DPP10: variants seen among roughly 807,000 people sequenced by gnomAD.
The protein encoded by DPP10 is dipeptidyl peptidase like 10.
DPP10 carries 33 observed loss-of-function variants against 120.9 expected under a neutral mutation model. The observed-to-expected ratio is 0.27, with a 90% confidence interval of 0.21 to 0.37. The LOEUF is 0.37. Ranked by LOEUF, DPP10 falls within the 10% of genes least tolerant of loss-of-function variation. The pLI, the probability that DPP10 is intolerant of heterozygous loss-of-function variation, is 1.00. For synonymous variants in DPP10, 337 were observed against 326.1 expected, an observed-to-expected ratio of 1.03 and a Z score of -0.36; for missense variants, 816 against 942.8, an observed-to-expected ratio of 0.87 and a Z score of 1.76.
At chr2:115,262,092 T>G (rs913992931) in intron 1 of DPP10, among the ~76,000 whole-genome samples, 4 of 152,200 alleles carry the variant, frequency 2.6e-5, no homozygotes, top group African/African-American at 7.2e-5. Context: ...TTCCTTGTTT[T>G]TAACACAGTG....
chr2:115,650,328 C>CT (rs1181828411), intron 5 of DPP10, among the ~76,000 whole-genome samples: 4 of 145,412 alleles, frequency 2.8e-5, no homozygotes, highest in African/African-American at 7.7e-5. Flanking sequence ...CACTGAGTAA[C>CT]TTTTTTTTGA....
At chr2:114,765,596 C>T (rs570899746) in intron 1 of DPP10, among the ~76,000 whole-genome samples, 1 of 152,252 alleles carries the variant, frequency 6.6e-6, no homozygotes, top group Admixed American at 6.5e-5. Flanking sequence ...AAGTAACATG[C>T]ATTGTATTTT....
rs145703906 is a variant in DPP10 at position 115,224,327 on chromosome 2, G to A, written c.61-84912G>A. Among the ~76,000 whole-genome samples the A allele has an allele frequency of 4.7e-3, 717 of 152,246 alleles. 5 individuals carry two copies. Among genetic ancestry groups the A allele is most frequent in the African/African-American group, 0.016 (654 of 41,566 alleles). ...AGAAAAAAGGTCATATGACCATATGGATTTTTGCTCCTTAGAAATTGAAAT... is the reference window on the plus strand; with the variant it reads ...AGAAAAAAGGTCATATGACCATATGAATTTTTGCTCCTTAGAAATTGAAAT... On this transcript the variant is annotated intron_variant, in intron 1 of 25. Coordinates refer to ENST00000410059, the MANE Select transcript of DPP10 (RefSeq NM_020868.6).
chr2:115,212,793 T>C (rs750141952), intron 1 of DPP10, among the ~76,000 whole-genome samples: 1 of 152,208 alleles, frequency 6.6e-6, no homozygotes, highest in Non-Finnish European at 1.5e-5. Flanking sequence ...GGGGCATATT[T>C]GTTCATAAAT....
At chr2:115,735,564 A>G (rs1268782415) in intron 8 of DPP10, among the ~76,000 whole-genome samples, 1 of 150,914 alleles carries the variant, frequency 6.6e-6, no homozygotes, top group Admixed American at 6.6e-5. Flanking sequence ...TCTGTTGCCC[A>G]AGCTGGAGTG....
chr2:115,301,807 A>AGTCC (rs1350835705), intron 1 of DPP10, among the ~76,000 whole-genome samples: 1 of 152,016 alleles, frequency 6.6e-6, no homozygotes, highest in Non-Finnish European at 1.5e-5. Context: ...ACAGTTGCTT[A>AGTCC]GTCCTGTCTT....
chr2:115,225,654 G>T (rs1006668301), intron 1 of DPP10, among the ~76,000 whole-genome samples: 1 of 151,890 alleles, frequency 6.6e-6, no homozygotes, highest in Non-Finnish European at 1.5e-5. Context: ...ATACATGAAT[G>T]AATAGAGATG....
chr2:115,053,871 A>G lies in DPP10; in HGVS notation c.61-255368A>G, dbSNP rs574576801. ...GGATATAAGCATTTTGAGGATACAA[A>G]TATTTCTTGTTTAGTTAACTGTTTG... On this transcript the variant is annotated intron_variant, in intron 1 of 25. Transcript: ENST00000410059. 9.7e-4 allele frequency among the ~76,000 whole-genome samples: 148 copies of G among 152,306 alleles called. 1 individual carries two copies. In the Middle Eastern group the frequency reaches 0.02, roughly 21 times the overall value.
intron 1 of DPP10, among the ~76,000 whole-genome samples, chr2:115,022,858 C>T (rs1469700511): frequency 6.6e-6 from 1 of 152,036 alleles, no homozygotes; most frequent in African/African-American, 2.4e-5. Flanking sequence ...TACTTACAGC[C>T]AATTGCTCTT....
intron 1 of DPP10, among the ~76,000 whole-genome samples, chr2:115,266,344 G>A (rs2059460788): frequency 6.6e-6 from 1 of 152,092 alleles, no homozygotes; most frequent in Non-Finnish European, 1.5e-5. Context: ...AGGGGAATTC[G>A]ATATGCACCA....
At chr2:115,825,086 G>A (rs577090412) in intron 21 of DPP10, among the ~76,000 whole-genome samples, 6 of 152,244 alleles carry the variant, frequency 3.9e-5, no homozygotes, top group Admixed American at 2.6e-4. Flanking sequence ...CAACTATTAC[G>A]TAAAATGGGA....
chr2:115,716,775 TGAA>T (rs1163769641), intron 7 of DPP10, among the ~76,000 whole-genome samples: 1 of 152,088 alleles, frequency 6.6e-6, no homozygotes, highest in African/African-American at 2.4e-5. Context: ...TGAAATTTTA[TGAA>T]GTAGTATAAA....
At chr2:115,787,417 G>A (rs1683463953) in intron 17 of DPP10, among the ~76,000 whole-genome samples, 2 of 152,152 alleles carry the variant, frequency 1.3e-5, no homozygotes, top group African/African-American at 4.8e-5. Flanking sequence ...ATATTTTTAT[G>A]AAAGAACTTT....
At chr2:114,595,775 T>C (rs767058699) in intron 1 of DPP10, among the ~76,000 whole-genome samples, 4 of 152,102 alleles carry the variant, frequency 2.6e-5, no homozygotes, top group African/African-American at 9.7e-5. Flanking sequence ...CATTGTGGCC[T>C]AAACAAAGAG....
chr2:115,027,172 A>G (rs1471926777), intron 1 of DPP10, among the ~76,000 whole-genome samples: 20 of 151,892 alleles, frequency 1.3e-4, no homozygotes, highest in Non-Finnish European at 2.2e-4. Context: ...GCTGGTTTTT[A>G]TATGTTGGTT....
At chr2:115,257,448 G>C (rs113312237) in intron 1 of DPP10, among the ~76,000 whole-genome samples, 2,344 of 152,270 alleles carry the variant, frequency 0.015, 25 homozygotes, top group Admixed American at 0.035. Context: ...GAAGGCAAGG[G>C]GGAAGCAGGC....
chr2:115,660,654 G>GTTTTTTTT (rs1575462846), intron 5 of DPP10, among the ~76,000 whole-genome samples: 1 of 12,278 alleles, frequency 8.1e-5, no homozygotes, highest in African/African-American at 1.3e-4. Context: ...TCTCTGTCTG[G>GTTTTTTTT]CTTTTTTTTT....
At chr2:114,462,010 A>G (rs1443418907) in intron 1 of DPP10, 5 of 985,272 alleles carry the variant, frequency 5.1e-6, no homozygotes, top group Admixed American at 1.2e-4. Flanking sequence ...GTGCTACAAT[A>G]TTCTTTCAAA....
chr2:114,631,796 A>G (rs1387568545), intron 1 of DPP10, among the ~76,000 whole-genome samples: 2 of 152,174 alleles, frequency 1.3e-5, no homozygotes, highest in Admixed American at 1.3e-4. Flanking sequence ...ATAATTTCCA[A>G]TCATCTAGTG....
Sources: gnomAD v4.1 joint callset for allele counts (sites outside exome capture counted in the v4.1 genomes callset) on GRCh38, gnomAD v4.1.1 for gene constraint, MANE v1.5 for transcripts, NCBI Gene and HGNC (gene_info 2026-07-23, HGNC 2026-07-21) for gene names.